LRRC4C: variants seen among roughly 807,000 people sequenced by gnomAD.
The protein encoded by LRRC4C is leucine rich repeat containing 4C.
LRRC4C carries 5 observed loss-of-function variants against 33.6 expected under a neutral mutation model. The ratio of observed to expected loss-of-function variants is 0.15; its 90% CI spans 0.08 to 0.31. The LOEUF is 0.31. Among genes scored for constraint, LRRC4C ranks in the 10% least tolerant of loss-of-function variants. The pLI is 1.00. For missense variants in LRRC4C, 560 were observed against 796.7 expected, an observed-to-expected ratio of 0.70 and a Z score of 3.58; for synonymous variants, 329 against 302.0, an observed-to-expected ratio of 1.09 and a Z score of -0.93.
At chr11:41,056,376 A>G (rs372896395) in intron 1 of LRRC4C, among the ~76,000 whole-genome samples, 2 of 152,340 alleles carry the variant, frequency 1.3e-5, no homozygotes, top group East Asian at 1.9e-4. Flanking sequence ...TGAGAAAGAC[A>G]TCAAAAGCAA....
chr11:41,061,288 C>T (rs963314974), intron 1 of LRRC4C, among the ~76,000 whole-genome samples: 6 of 151,982 alleles, frequency 3.9e-5, no homozygotes, highest in Non-Finnish European at 7.4e-5. Flanking sequence ...ATTCTCAGCA[C>T]GATTTGGGTT....
chr11:41,360,273 T>C (rs952195495), intron 1 of LRRC4C, among the ~76,000 whole-genome samples: 2 of 152,128 alleles, frequency 1.3e-5, no homozygotes, highest in African/African-American at 4.8e-5. Flanking sequence ...CTAGTTAGCA[T>C]GGTGTACACT....
intron 1 of LRRC4C, among the ~76,000 whole-genome samples, chr11:41,127,425 T>A (rs1462805099): frequency 6.6e-6 from 1 of 152,128 alleles, no homozygotes; most frequent in Non-Finnish European, 1.5e-5. Context: ...AGTATTATGT[T>A]ATAATTCATA....
chr11:40,365,848 A>C (rs935286196), intron 3 of LRRC4C, among the ~76,000 whole-genome samples: 2 of 152,068 alleles, frequency 1.3e-5, no homozygotes, highest in Non-Finnish European at 2.9e-5. Flanking sequence ...TACTTATTAT[A>C]TCTGACTTTG....
At chr11:40,224,307 T>C (rs1379579745) in intron 5 of LRRC4C, among the ~76,000 whole-genome samples, 3 of 152,252 alleles carry the variant, frequency 2.0e-5, no homozygotes, top group Non-Finnish European at 2.9e-5. Flanking sequence ...TTATCATGTG[T>C]GTGTTTAAAA....
chr11:41,046,662 T>G (rs1312685439), intron 1 of LRRC4C, among the ~76,000 whole-genome samples: 1 of 152,152 alleles, frequency 6.6e-6, no homozygotes, highest in Non-Finnish European at 1.5e-5. Flanking sequence ...CATTGTGAAT[T>G]AATAAATCAG....
intron 1 of LRRC4C, among the ~76,000 whole-genome samples, chr11:41,308,811 T>TC (rs1161470966): frequency 6.8e-6 from 1 of 146,578 alleles, no homozygotes; most frequent in Non-Finnish European, 1.5e-5. Flanking sequence ...CTTTTTTTCT[T>TC]TTTTTTTTTT....
chr11:40,450,480 AC>A (rs1195129705), intron 3 of LRRC4C, among the ~76,000 whole-genome samples: 1 of 152,100 alleles, frequency 6.6e-6, no homozygotes, highest in East Asian at 1.9e-4. Flanking sequence ...TACCAAGGAA[AC>A]AAAGACAACA....
At chr11:40,166,190 A>G (rs1472083921) in intron 5 of LRRC4C, among the ~76,000 whole-genome samples, 1 of 152,210 alleles carries the variant, frequency 6.6e-6, no homozygotes, top group Non-Finnish European at 1.5e-5. Flanking sequence ...AACTGAAATG[A>G]GAACTAGCCT....
intron 3 of LRRC4C, among the ~76,000 whole-genome samples, chr11:40,409,946 T>G (rs1401075022): frequency 6.6e-6 from 1 of 152,120 alleles, no homozygotes; most frequent in Non-Finnish European, 1.5e-5. Flanking sequence ...AACATCATTT[T>G]GTACACAATA....
chr11:40,483,299 A>C (rs572982365), intron 3 of LRRC4C, among the ~76,000 whole-genome samples: 1 of 152,288 alleles, frequency 6.6e-6, no homozygotes, highest in African/African-American at 2.4e-5. Flanking sequence ...GGAGGAAATG[A>C]AGAGAAAAAA....
chr11:41,050,816 G>A (rs1200439360), intron 1 of LRRC4C, among the ~76,000 whole-genome samples: 2 of 152,114 alleles, frequency 1.3e-5, no homozygotes, highest in African/African-American at 4.8e-5. Context: ...GGTACTTCTA[G>A]TTCTAAATCC....
intron 2 of LRRC4C, among the ~76,000 whole-genome samples, chr11:40,788,197 A>G (rs1950490491): frequency 6.6e-6 from 1 of 152,188 alleles, no homozygotes; most frequent in Non-Finnish European, 1.5e-5. Context: ...TTATTTCAAA[A>G]GTGTGCTTCC....
intron 4 of LRRC4C, among the ~76,000 whole-genome samples, chr11:40,281,790 A>G (rs150592682): frequency 2.6e-4 from 39 of 152,316 alleles, no homozygotes; most frequent in Non-Finnish European, 4.1e-4. Flanking sequence ...CACATCGATG[A>G]TAACAGGTTA....
At chr11:40,452,606 T>G (rs1335869231) in intron 3 of LRRC4C, among the ~76,000 whole-genome samples, 2 of 152,216 alleles carry the variant, frequency 1.3e-5, no homozygotes, top group Non-Finnish European at 2.9e-5. Flanking sequence ...GTTCAACCAT[T>G]GTGGAAGTCA....
At chr11:40,250,595 C>A (rs1866711208) in intron 4 of LRRC4C, among the ~76,000 whole-genome samples, 1 of 151,942 alleles carries the variant, frequency 6.6e-6, no homozygotes, top group African/African-American at 2.4e-5. Context: ...CAAAAATTAG[C>A]CAGGCATGGT....
chr11:40,265,129 C>A (rs1024366002), intron 4 of LRRC4C, among the ~76,000 whole-genome samples: 5 of 152,176 alleles, frequency 3.3e-5, no homozygotes, highest in African/African-American at 4.8e-5. Flanking sequence ...TCCCTCCTTC[C>A]ATTTTCCCAT....
chr11:40,284,625 G>A (rs1016963483), intron 4 of LRRC4C, among the ~76,000 whole-genome samples: 2 of 152,146 alleles, frequency 1.3e-5, no homozygotes, highest in African/African-American at 4.8e-5. Context: ...GGAGAGAAAC[G>A]CTAGAATCTG....
At position 40,858,016 on chromosome 11, in the gene LRRC4C, AGGAAGGGAAG is replaced by A. The variant is rs146464048; in HGVS notation, c.-407+75609_-407+75618del. On this transcript the variant is annotated intron_variant, in intron 2 of 6. Coordinates refer to ENST00000528697, the MANE Select transcript of LRRC4C (RefSeq NM_001258419.2). Reference sequence around the variant, plus strand: ...CAGGGACAGGGACAGGGACAAGGAAAGGAAGGGAAGGGAAGGGAAGGGAAGGGAAGGGAAG... The same window carrying A: ...CAGGGACAGGGACAGGGACAAGGAAAGGAAGGGAAGGGAAGGGAAGGGAAG... 1.8e-3 allele frequency among the ~76,000 whole-genome samples: 251 copies of A among 139,158 alleles called. 1 individual carries two copies. The highest frequency in any genetic ancestry group is 6.8e-3 in the African/African-American group (242 of 35,336). The allele number at this position is 139,158 out of a possible 152,430, so 91.3% of individuals were successfully genotyped here.
Sources: allele counts gnomAD v4.1 joint callset (sites outside exome capture counted in the v4.1 genomes callset), GRCh38; gene constraint gnomAD v4.1.1; transcripts MANE v1.5; gene names NCBI Gene and HGNC (gene_info 2026-07-23, HGNC 2026-07-21).